The following AP1M2 variants were observed in gnomAD, a reference collection of about 807,000 sequenced individuals.
The protein encoded by AP1M2 is AP-1 complex subunit mu-2.
In AP1M2, 41 loss-of-function variants were observed where a neutral mutation model predicts 54.6. That is an observed-to-expected ratio of 0.75 (90% CI 0.59 to 0.97). The LOEUF is 0.97. Ranked by LOEUF, AP1M2 falls within the 50% of genes least tolerant of loss-of-function variation. AP1M2 has a pLI of 0.00. For synonymous variants in AP1M2, 219 were observed against 215.9 expected (o/e 1.01, Z -0.13); for missense variants, 507 against 561.2 (o/e 0.90, Z 0.98).
In AP1M2 at chr19:10,581,824, C is replaced by T. The variant is rs772222226; in HGVS notation, c.322G>A (p.Val108Ile). 6.2e-7 allele frequency: 1 copy of T among 1,613,962 alleles called. No homozygotes were observed. The highest frequency in any genetic ancestry group is 1.1e-5 in the South Asian group (1 of 91,044). ...LEEESIRDNF[V>I]IVYELLDELM... is the part of the protein sequence containing the mutation. Reference sequence around the variant, plus strand: ...TCGTCCAGCAACTCGTAGACGATGACAAAGTTGTCCCGGATGCTCTCCTCC... The same window carrying T: ...TCGTCCAGCAACTCGTAGACGATGATAAAGTTGTCCCGGATGCTCTCCTCC... The change falls in exon 4 of 12, where the codon GTC (valine) becomes ATC (isoleucine). Residue 108 changes from valine (V) to isoleucine (I), a missense_variant. Physicochemically the swap from Val to Ile is conservative, Grantham distance 29. Transcript: ENST00000250244.
At chr19:10,575,856 T>C (rs1483189734) in intron 9 of AP1M2, among the ~76,000 whole-genome samples, 1 of 144,248 alleles carries the variant, frequency 6.9e-6, no homozygotes, top group Non-Finnish European at 1.5e-5. Flanking sequence ...AAGCTCCGCC[T>C]CCCAGGTTCA....
chr19:10,585,319 G>GAA (rs1271521261), intron 1 of AP1M2, among the ~76,000 whole-genome samples: 2 of 140,674 alleles, frequency 1.4e-5, no homozygotes, highest in South Asian at 4.3e-4. Context: ...AAGAAAGAAA[G>GAA]AAAGAAAGAA....
intron 7 of AP1M2, 93 bp from the exon 8 acceptor site, chr19:10,579,056 G>A (rs545592904): frequency 1.2e-5 from 12 of 963,686 alleles, no homozygotes; most frequent in South Asian, 6.4e-5. Flanking sequence ...ACAGAGTCTC[G>A]CTTCTTCGCC....
intron 1 of AP1M2, among the ~76,000 whole-genome samples, chr19:10,586,528 T>G (rs12609501): frequency 0.23 from 33,038 of 145,342 alleles, 4,453 homozygotes; most frequent in Non-Finnish European, 0.31. Context: ...TATTCAGGAG[T>G]TTGAGAGCAG....
chr19:10,584,592 GAGAAAGAA>G (rs201086292), intron 1 of AP1M2, among the ~76,000 whole-genome samples: 206 of 149,988 alleles, frequency 1.4e-3, no homozygotes, highest in Non-Finnish European at 2.1e-3. Flanking sequence ...AGAAGAAAGA[GAGAAAGAA>G]AGAAAGAAAG....
In AP1M2 at chr19:10,578,881, C is replaced by G. The variant is rs1224384941; in HGVS notation, c.888+11G>C. 1.9e-6 allele frequency: 3 copies of G among 1,604,058 alleles called. No individual in the cohort carries two copies. The highest frequency in any genetic ancestry group is 2.6e-6 in the Non-Finnish European group (3 of 1,175,282). The stretch of plus-strand genomic sequence containing the variant: ...TCATGCATTGTTAATAAGCATTCCC[C>G]CAAGGCCCACCTTGACCATGATCTC... On this transcript the variant is annotated intron_variant, in intron 8 of 11. Transcript: ENST00000250244.
At chr19:10,582,351 T>G (rs895918677) in intron 3 of AP1M2, among the ~76,000 whole-genome samples, 3 of 152,038 alleles carry the variant, frequency 2.0e-5, no homozygotes, top group Non-Finnish European at 4.4e-5. Flanking sequence ...CATGAGCCCC[T>G]ATCTCTAACA....
At chr19:10,578,016 A>G (rs1391359097) in intron 8 of AP1M2, among the ~76,000 whole-genome samples, 1 of 152,110 alleles carries the variant, frequency 6.6e-6, no homozygotes, top group Non-Finnish European at 1.5e-5. Flanking sequence ...GATTACAGGT[A>G]TGAACCACTG....
At chr19:10,574,570 G>T in intron 10 of AP1M2, 78 bp from the exon 11 acceptor site, 1 of 1,281,236 alleles carries the variant, frequency 7.8e-7, no homozygotes, top group Non-Finnish European at 1.1e-6. Flanking sequence ...GACGGCTTAG[G>T]CCAAGCGGCT....
intron 3 of AP1M2, 94 bp downstream of exon 3, chr19:10,583,512 G>A: frequency 1.0e-6 from 1 of 982,884 alleles, no homozygotes; most frequent in Non-Finnish European, 1.5e-6. Flanking sequence ...GATCTGGGAA[G>A]GCTTCCTATC....
At chr19:10,578,842 G>A (rs73018654) in intron 8 of AP1M2, 50 bp downstream of exon 8, 341,337 of 1,486,430 alleles carry the variant, frequency 0.23, 46,563 homozygotes, top group East Asian at 0.65. Context: ...GTGAGCCACC[G>A]CACCCACCCG....
chr19:10,579,015 CTTTTTTTTT>C (rs749676329), intron 7 of AP1M2, 52 bp from the exon 8 acceptor site: 1 of 742,752 alleles, frequency 1.3e-6, no homozygotes, highest in Non-Finnish European at 2.0e-6. Context: ...TGACTCTCTT[CTTTTTTTTT>C]TTTTTTTTTT....
At chr19:10,583,475 A>AC in intron 3 of AP1M2, 131 bp downstream of exon 3, 1 of 284,234 alleles carries the variant, frequency 3.5e-6, no homozygotes, top group Non-Finnish European at 6.3e-6. Context: ...TCTCTACCAG[A>AC]AAAAAAAAAA....
chr19:10,573,173 C>T, intron 11 of AP1M2, 85 bp from the exon 12 acceptor site: 1 of 1,325,308 alleles, frequency 7.5e-7, no homozygotes, highest in Non-Finnish European at 1.1e-6. Context: ...AATCCCAGCA[C>T]TTTGGGAGGT....
intron 1 of AP1M2, among the ~76,000 whole-genome samples, chr19:10,584,654 GGGAAGGAAGGAA>G (rs199907734): frequency 1.4e-5 from 2 of 139,490 alleles, no homozygotes; most frequent in African/African-American, 2.6e-5. Context: ...GAGGGTAGGA[GGGAAGGAAGGAA>G]GGAAGGAAGG....
chr19:10,578,956 G>C lies in AP1M2; in HGVS notation c.824C>G (p.Pro275Arg). 6.2e-7 allele frequency: 1 copy of C among 1,604,730 alleles called. No individual in the cohort carries two copies. Among genetic ancestry groups the C allele is most frequent in the Non-Finnish European group, 8.5e-7 (1 of 1,175,704 alleles). ...AATGACAGACTCAATCCAGATCAGT[G>C]GCTTGACCTGTGGGAAGAAGAAGGG... ...MSYRLSTQVK[P>R]LIWIESVIEK... The change falls in exon 8 of 12, where the codon CCA becomes CGA. Residue 275 changes from proline to arginine, a missense_variant. By Grantham distance (103) the Pro-to-Arg change is moderately radical. Transcript: ENST00000250244.
At chr19:10,579,157 C>G (rs1238410228) in intron 7 of AP1M2, among the ~76,000 whole-genome samples, 194 bp from the exon 8 acceptor site, 1 of 152,008 alleles carries the variant, frequency 6.6e-6, no homozygotes, top group African/African-American at 2.4e-5. Flanking sequence ...TGGCTCACGC[C>G]TGTAATCCCA....
chr19:10,578,199 C>T (rs114127407), intron 8 of AP1M2, among the ~76,000 whole-genome samples: 2,449 of 152,276 alleles, frequency 0.016, 58 homozygotes, highest in African/African-American at 0.055. Context: ...TCAGTTTCCT[C>T]ATCTGTAAAA....
intron 1 of AP1M2, 61 bp downstream of exon 1, chr19:10,587,129 C>T (rs1400180551): frequency 3.2e-6 from 5 of 1,541,214 alleles, no homozygotes; most frequent in Non-Finnish European, 4.4e-6. Flanking sequence ...GGGGTCGCCC[C>T]TGAATCCCTG....
Sources: allele counts gnomAD v4.1 joint callset (sites outside exome capture counted in the v4.1 genomes callset), GRCh38; gene constraint gnomAD v4.1.1; transcripts MANE v1.5; gene names NCBI Gene and HGNC (gene_info 2026-07-23, HGNC 2026-07-21).